VEZT: variants seen among roughly 807,000 people sequenced by gnomAD.
The protein encoded by VEZT is vezatin.
In VEZT, 39 loss-of-function variants were observed where a neutral mutation model predicts 79.9. That is an observed-to-expected ratio of 0.49 (90% CI 0.38 to 0.64). VEZT has a LOEUF of 0.64. Among genes scored for constraint, VEZT ranks in the 30% least tolerant of loss-of-function variants. The pLI is 0.00. For missense variants in VEZT, 837 were observed against 893.1 expected, an observed-to-expected ratio of 0.94 and a Z score of 0.80; for synonymous variants, 325 against 327.6, an observed-to-expected ratio of 0.99 and a Z score of 0.09.
rs1023669071 is a variant in VEZT at position 95,263,090 on chromosome 12, C to A, written c.434+9C>A. 6.3e-7 allele frequency: 1 copy of A among 1,577,618 alleles called. No individual in the cohort carries two copies. Among genetic ancestry groups the A allele is most frequent in the Non-Finnish European group, 8.7e-7 (1 of 1,154,982 alleles). On this transcript the variant is annotated intron_variant, in intron 4 of 11. Transcript: ENST00000436874. ...GCAACCCCTAATATTTGGTACTGTC[C>A]AGAAAACACCTATTCTTTGACTGCT...
chr12:95,296,020 G>A (rs1292635936), intron 10 of VEZT, 31 bp from the exon 11 acceptor site: 18 of 1,466,682 alleles, frequency 1.2e-5, no homozygotes, highest in Non-Finnish European at 1.7e-5. Context: ...TTTGCTTCAA[G>A]TAAAGTGCTT....
chr12:95,237,072 C>T (rs1036208339), intron 1 of VEZT, among the ~76,000 whole-genome samples: 2 of 152,150 alleles, frequency 1.3e-5, no homozygotes, highest in Non-Finnish European at 2.9e-5. Flanking sequence ...CACAGTACTA[C>T]ATTAGACCAA....
At chr12:95,296,430 A>T in intron 11 of VEZT, 172 bp downstream of exon 11, 1 of 466,740 alleles carries the variant, frequency 2.1e-6, no homozygotes, top group Non-Finnish European at 3.6e-6. Flanking sequence ...AAAGAGTAGG[A>T]ATGTAACCAC....
At chr12:95,291,110 A>AT (rs1358247791) in intron 9 of VEZT, among the ~76,000 whole-genome samples, 1 of 152,090 alleles carries the variant, frequency 6.6e-6, no homozygotes, top group African/African-American at 2.4e-5. Flanking sequence ...ACCAAAAAAA[A>AT]CAAAAAGTTA....
Position 95,300,206 on chromosome 12 carries a change from A to G in VEZT, c.1873A>G (p.Ile625Val). 2 of 1,554,784 alleles carry G rather than the reference A, an allele frequency of 1.3e-6. No individual in the cohort carries two copies. Among genetic ancestry groups the G allele is most frequent in the Non-Finnish European group, 1.7e-6 (2 of 1,149,266 alleles). Residue 625 changes from isoleucine (I) to valine (V), a missense_variant, in exon 12 of 12, where the codon ATA becomes GTA. Physicochemically the swap from Ile to Val is conservative, Grantham distance 29. Transcript: ENST00000436874. ...SLSPVDPVEP[I>V]SNSEPSMNSD... is the part of the protein sequence containing the mutation. ...GTCTCCTGTAGACCCAGTGGAACCC[A>G]TAAGTAATTCAGAACCATCAATGAA...
At chr12:95,271,102 G>A (rs955863216) in intron 6 of VEZT, among the ~76,000 whole-genome samples, 1 of 152,138 alleles carries the variant, frequency 6.6e-6, no homozygotes, top group African/African-American at 2.4e-5. Flanking sequence ...GACTTGTGCA[G>A]TATCATACAA....
rs79287062 is a variant in VEZT at position 95,267,068 on chromosome 12, A to C, written c.710+436A>C. Among the ~76,000 whole-genome samples the C allele has an allele frequency of 3.7e-3, 562 of 152,344 alleles. 6 individuals are homozygous for C. Among genetic ancestry groups the C allele is most frequent in the African/African-American group, 0.013 (536 of 41,590 alleles). ...CATGTACTAATAACTGTTCAGGTAA[A>C]TATTAGCAGATATTATAGCACTGAT... On this transcript the variant is annotated intron_variant, in intron 5 of 11. Transcript: ENST00000436874.
intron 1 of VEZT, chr12:95,243,848 A>T (rs1325281137): frequency 7.3e-6 from 3 of 410,962 alleles, no homozygotes; most frequent in Non-Finnish European, 1.4e-5. Flanking sequence ...AATTCCTGAA[A>T]GAGCAGGTTG....
chr12:95,238,541 C>T (rs570940601), intron 1 of VEZT, among the ~76,000 whole-genome samples: 1 of 152,198 alleles, frequency 6.6e-6, no homozygotes, highest in Non-Finnish European at 1.5e-5. Context: ...ATGAGTTTGC[C>T]ACCATATTTA....
chr12:95,271,858 G>C (rs2066670687), intron 6 of VEZT, among the ~76,000 whole-genome samples: 1 of 152,152 alleles, frequency 6.6e-6, no homozygotes, highest in East Asian at 1.9e-4. Context: ...TATTCTCGTG[G>C]AGCTTACCTT....
At position 95,287,784 on chromosome 12, in the gene VEZT, A is replaced by G. The variant is rs751551771; in HGVS notation, c.1449A>G (p.Gln483=). The G allele has an allele frequency of 6.2e-7, 1 of 1,608,652 alleles. No individual in the cohort carries two copies. The highest frequency in any genetic ancestry group is 1.7e-5 in the Admixed American group (1 of 59,418). ...TAAAGTTGATTCAGCCCCACGTTCA[A>G]GCAAGCAACAATTGCTGGGAAGAGG... The part of the protein sequence containing the change: ...QKLKLIQPHV[Q]ASNNCWEEAI... The change falls in exon 9 of 12, where the codon CAA becomes CAG. Residue 483 remains glutamine, a synonymous_variant. Coordinates refer to ENST00000436874, the MANE Select transcript of VEZT (RefSeq NM_017599.4).
chr12:95,230,379 G>A (rs1008981048), intron 1 of VEZT, among the ~76,000 whole-genome samples: 23 of 151,342 alleles, frequency 1.5e-4, no homozygotes, highest in African/African-American at 4.8e-4. Context: ...ATCTCATTAA[G>A]ATCTTTATTA....
chr12:95,294,833 C>T (rs188717601), intron 10 of VEZT, among the ~76,000 whole-genome samples: 10 of 151,966 alleles, frequency 6.6e-5, no homozygotes, highest in Admixed American at 3.9e-4. Flanking sequence ...ATTTTTTTTC[C>T]GTGTATATTG....
chr12:95,287,533 G>A, intron 8 of VEZT, 131 bp from the exon 9 acceptor site: 1 of 789,490 alleles, frequency 1.3e-6, no homozygotes. Flanking sequence ...GAACTCCTGA[G>A]CTCAAGCCAT....
chr12:95,234,056 C>T (rs543781131), intron 1 of VEZT, among the ~76,000 whole-genome samples: 1 of 152,202 alleles, frequency 6.6e-6, no homozygotes, highest in East Asian at 1.9e-4. Context: ...TTAATTATTG[C>T]CAACTAATAG....
At chr12:95,266,288 C>T in intron 4 of VEZT, 69 bp from the exon 5 acceptor site, 1 of 1,472,162 alleles carries the variant, frequency 6.8e-7, no homozygotes, top group East Asian at 2.3e-5. Flanking sequence ...TTTGTTTTTA[C>T]TGATTAAAGT....
intron 5 of VEZT, among the ~76,000 whole-genome samples, chr12:95,268,972 CCTTGT>C (rs1439851419): frequency 5.3e-5 from 8 of 152,128 alleles, no homozygotes; most frequent in Admixed American, 5.2e-4. Flanking sequence ...GCCTTCATTC[CCTTGT>C]CTTAACATAA....
chr12:95,251,850 A>G, intron 1 of VEZT, 90 bp from the exon 2 acceptor site: 1 of 1,226,964 alleles, frequency 8.2e-7, no homozygotes, highest in Non-Finnish European at 1.1e-6. Context: ...CATACTGGTC[A>G]CAATAGTGAA....
chr12:95,302,507 CTTTA>C lies in VEZT; in HGVS notation c.*1838_*1841del, dbSNP rs2075320556. ...AAATTATGACATAAAGATCTTGCAG[CTTTA>C]TTTGAGTATTTGTTCTTTTGTGTAG... is the stretch of plus-strand genomic sequence containing the variant. On this transcript the variant is annotated 3_prime_UTR_variant, in exon 12 of 12. Transcript: ENST00000436874. 6.6e-6 allele frequency: 1 copy of C among 152,024 alleles called. No individual in the cohort carries two copies. Among genetic ancestry groups the C allele is most frequent in the Non-Finnish European group, 1.5e-5 (1 of 67,982 alleles). The allele number at this position is 152,024 out of a possible 1,614,324, so 9.4% of individuals were successfully genotyped here.
Sources: gnomAD v4.1 joint callset for allele counts (sites outside exome capture counted in the v4.1 genomes callset) on GRCh38, gnomAD v4.1.1 for gene constraint, MANE v1.5 for transcripts, NCBI Gene and HGNC (gene_info 2026-07-23, HGNC 2026-07-21) for gene names.